SAMD13: variants seen among roughly 807,000 people sequenced by gnomAD.
SAMD13 encodes the protein sterile alpha motif domain containing 13, also known as sterile alpha motif domain-containing protein 13.
A neutral mutation model predicts 12.4 loss-of-function variants in SAMD13; 9 were observed. The observed-to-expected ratio is 0.72, with a 90% CI of 0.44 to 1.26. The LOEUF (loss-of-function observed/expected upper bound fraction) is 1.26. Ranked by LOEUF, SAMD13 falls within the 50% of genes most tolerant of loss-of-function variation. The probability of loss-of-function intolerance (pLI) is 0.00; values close to 1 mark genes in which losing one functional copy is unlikely to be tolerated. For synonymous variants in SAMD13, 46 were observed against 45.4 expected (o/e 1.01, Z -0.05); for missense variants, 84 against 119.6 (o/e 0.70, Z 1.39).
chr1:84,300,985 T>A (rs1678443715), upstream of SAMD13, among the ~76,000 whole-genome samples: 1 of 152,220 alleles, frequency 6.6e-6, no homozygotes, highest in African/African-American at 2.4e-5. Flanking sequence ...CAGTTAAAAT[T>A]AAACCTCCCA....
chr1:84,304,366 T>C (rs2101785951), intron 2 of SAMD13: 1 of 152,312 alleles, frequency 6.6e-6, no homozygotes, highest in South Asian at 2.1e-4. Context: ...TCAACAATGA[T>C]GGAAATGTTC....
chr1:84,349,488 T>C, intron 3 of SAMD13, 143 bp from the exon 4 acceptor site: 1 of 1,385,978 alleles, frequency 7.2e-7, no homozygotes, highest in South Asian at 1.6e-5. Flanking sequence ...GATTGCATTT[T>C]TTCCATTTTG....
chr1:84,310,626 GA>G (rs1271054069), intron 2 of SAMD13, among the ~76,000 whole-genome samples: 4 of 152,158 alleles, frequency 2.6e-5, no homozygotes, highest in Non-Finnish European at 5.9e-5. Context: ...AATTATGTAA[GA>G]AATTATTTTC....
At chr1:84,332,121 A>G (rs1041886480) in intron 3 of SAMD13, among the ~76,000 whole-genome samples, 2 of 152,030 alleles carry the variant, frequency 1.3e-5, no homozygotes, top group African/African-American at 4.8e-5. Context: ...TATTTTCTTT[A>G]TCCAGTCTAC....
chr1:84,310,736 A>T (rs1191734953), intron 2 of SAMD13, among the ~76,000 whole-genome samples: 4 of 152,238 alleles, frequency 2.6e-5, no homozygotes, highest in Non-Finnish European at 5.9e-5. Flanking sequence ...AAGTTAAATC[A>T]ATTTGCTAAC....
upstream of SAMD13, among the ~76,000 whole-genome samples, chr1:84,300,251 A>T (rs188694901): frequency 6.6e-6 from 1 of 152,254 alleles, no homozygotes; most frequent in African/African-American, 2.4e-5. Flanking sequence ...TGCTCAAAAA[A>T]TACTGCTCAA....
At chr1:84,321,441 A>G (rs938514800) in intron 2 of SAMD13, among the ~76,000 whole-genome samples, 20 of 152,244 alleles carry the variant, frequency 1.3e-4, no homozygotes, top group African/African-American at 4.6e-4. Flanking sequence ...ATTCTAAGAA[A>G]CATTTTGCTA....
intron 2 of SAMD13, among the ~76,000 whole-genome samples, chr1:84,306,295 C>A (rs1488210761): frequency 6.6e-6 from 1 of 152,054 alleles, no homozygotes; most frequent in Non-Finnish European, 1.5e-5. Flanking sequence ...TATACAAATA[C>A]AATTGATTTT....
At chr1:84,311,562 A>C (rs754282457) in intron 2 of SAMD13, among the ~76,000 whole-genome samples, 128 of 152,290 alleles carry the variant, frequency 8.4e-4, no homozygotes, top group Middle Eastern at 6.8e-3. Context: ...GCATTTGCAA[A>C]TATATGCTGA....
At chr1:84,308,240 C>T (rs1377417452) in intron 2 of SAMD13, among the ~76,000 whole-genome samples, 1 of 152,142 alleles carries the variant, frequency 6.6e-6, no homozygotes, top group African/African-American at 2.4e-5. Context: ...GTAGAAGTTC[C>T]ATTTAATTTA....
At chr1:84,314,167 A>C (rs987238992) in intron 2 of SAMD13, among the ~76,000 whole-genome samples, 2 of 152,194 alleles carry the variant, frequency 1.3e-5, no homozygotes, top group African/African-American at 4.8e-5. Context: ...TTCATATAAC[A>C]ATAATAAAAC....
chr1:84,299,560 C>A, upstream of SAMD13: 2 of 1,466,142 alleles, frequency 1.4e-6, no homozygotes, highest in Non-Finnish European at 1.8e-6. Context: ...GCACACATCA[C>A]ACTCACATAC....
intron 2 of SAMD13, among the ~76,000 whole-genome samples, chr1:84,320,087 G>T (rs932934113): frequency 2.6e-5 from 4 of 152,052 alleles, no homozygotes; most frequent in African/African-American, 4.8e-5. Flanking sequence ...CGAGATTATC[G>T]TCTTCATTAG....
At chr1:84,327,850 T>C (rs1349541326) in intron 3 of SAMD13, among the ~76,000 whole-genome samples, 2 of 152,226 alleles carry the variant, frequency 1.3e-5, no homozygotes, top group Admixed American at 1.3e-4. Context: ...GTTTTCTTTA[T>C]GTTTGAAAAA....
upstream of SAMD13, among the ~76,000 whole-genome samples, chr1:84,300,452 A>G (rs1192881720): frequency 6.6e-6 from 1 of 152,166 alleles, no homozygotes; most frequent in Non-Finnish European, 1.5e-5. Flanking sequence ...GTAATCTCCT[A>G]ATGTCCTAAA....
At chr1:84,342,496 T>C (rs1237940151) in intron 3 of SAMD13, among the ~76,000 whole-genome samples, 2 of 150,426 alleles carry the variant, frequency 1.3e-5, no homozygotes, top group Non-Finnish European at 3.0e-5. Context: ...ATGGTATTGG[T>C]ATAAAAACAG....
upstream of SAMD13, among the ~76,000 whole-genome samples, chr1:84,299,239 G>A (rs945491888): frequency 4.6e-5 from 7 of 152,078 alleles, no homozygotes; most frequent in African/African-American, 1.7e-4. Flanking sequence ...TTTCTGCCTG[G>A]GGGACGAATG....
intron 2 of SAMD13, among the ~76,000 whole-genome samples, chr1:84,306,276 A>G (rs1678570104): frequency 2.0e-5 from 3 of 151,614 alleles, no homozygotes; most frequent in South Asian, 4.1e-4. Context: ...ATTTTCAATT[A>G]TCTTAACATA....
intron 3 of SAMD13, among the ~76,000 whole-genome samples, chr1:84,340,342 A>T (rs1006824279): frequency 1.3e-5 from 2 of 152,264 alleles, no homozygotes; most frequent in African/African-American, 4.8e-5. Context: ...GCATAATTCC[A>T]CTTACATGAA....
Sources: gnomAD v4.1 joint callset for allele counts (sites outside exome capture counted in the v4.1 genomes callset) on GRCh38, gnomAD v4.1.1 for gene constraint, MANE v1.5 for transcripts, NCBI Gene and HGNC (gene_info 2026-07-23, HGNC 2026-07-21) for gene names.